TENM2: variants seen among roughly 807,000 people sequenced by gnomAD.
The protein encoded by TENM2 is teneurin-2.
A neutral mutation model predicts 245.2 loss-of-function variants in TENM2; 52 were observed. The ratio of observed to expected loss-of-function variants is 0.21; its 90% CI spans 0.17 to 0.27. The LOEUF (loss-of-function observed/expected upper bound fraction) is 0.27. TENM2 is among the 10% of genes least tolerant of loss of function. The pLI, the probability that TENM2 is intolerant of heterozygous loss-of-function variation, is 1.00. For missense variants in TENM2, 3,046 were observed against 3,666.8 expected, an observed-to-expected ratio of 0.83 and a Z score of 4.37; for synonymous variants, 1,363 against 1,438.9, an observed-to-expected ratio of 0.95 and a Z score of 1.19.
chr5:168,234,715 T>C (rs1179800313), intron 25 of TENM2, among the ~76,000 whole-genome samples: 1 of 152,168 alleles, frequency 6.6e-6, no homozygotes, highest in Non-Finnish European at 1.5e-5. Context: ...AAACGGATCT[T>C]GTGCAGGATG....
chr5:167,891,727 C>T (rs1028792411), intron 3 of TENM2, among the ~76,000 whole-genome samples: 4 of 152,190 alleles, frequency 2.6e-5, no homozygotes, highest in Non-Finnish European at 5.9e-5. Context: ...TGATTAAACA[C>T]CTATCATGTG....
chr5:167,029,263 A>G, the TENM2 span, among the ~76,000 whole-genome samples: 1 of 152,172 alleles, frequency 6.6e-6, no homozygotes, highest in African/African-American at 2.4e-5. Context: ...TTCTTCCCTG[A>G]TATTCCATCT....
rs536908425 is a variant in TENM2, at chr5:167,698,774, C to A, written c.503-177212C>A. Among the ~76,000 whole-genome samples, 3 of 149,586 alleles carry A rather than the reference C, an allele frequency of 2.0e-5. No individual in the cohort carries two copies. The East Asian group carries it at 5.9e-4, about 30-fold the overall frequency. On this transcript the variant is annotated intron_variant, in intron 2 of 28. Coordinates refer to ENST00000518659, the Ensembl canonical transcript of TENM2. ...TCTCTGCTCACTGCCAGCTCCTCCT[C>A]CCGGATTCACGCCTTTCTCCTGCCT...
Position 168,006,252 on chromosome 5 carries a change from C to A in TENM2, c.1186+13070C>A, listed in dbSNP as rs1581035125. On this transcript the variant is annotated intron_variant, in intron 5 of 28. Coordinates refer to ENST00000518659, the Ensembl canonical transcript of TENM2. ...CATGTTGTGAGAGGGAGGAATAAAG[C>A]TGGTAGCCCAGAAAAGACTACCCTA... Among the ~76,000 whole-genome samples, 4 of 152,294 alleles carry A rather than the reference C, an allele frequency of 2.6e-5. No homozygotes were observed. The South Asian group carries it at 8.3e-4, about 32-fold the overall frequency.
chr5:168,062,397 A>G (rs1179802453), intron 7 of TENM2, 132 bp downstream of exon 9: 1 of 748,380 alleles, frequency 1.3e-6, no homozygotes, highest in Non-Finnish European at 2.1e-6. Flanking sequence ...GTTGGCGAGA[A>G]TTTGGAGAAA....
chr5:167,194,675 G>A, the TENM2 span, among the ~76,000 whole-genome samples: 1 of 151,946 alleles, frequency 6.6e-6, no homozygotes, highest in Non-Finnish European at 1.5e-5. Context: ...CTAACTTTTG[G>A]TCCCTGGACA....
At chr5:168,121,814 CAAGATATTTTTGTGT>C (rs1351520410) in intron 10 of TENM2, among the ~76,000 whole-genome samples, 3 of 151,862 alleles carry the variant, frequency 2.0e-5, no homozygotes, top group Non-Finnish European at 4.4e-5. Flanking sequence ...CAATAAGCCA[CAAGATATTTTTGTGT>C]ATATTTTGAT....
intron 2 of TENM2, among the ~76,000 whole-genome samples, chr5:167,514,072 A>C (rs1166893671): frequency 6.6e-6 from 1 of 152,224 alleles, no homozygotes; most frequent in African/African-American, 2.4e-5. Flanking sequence ...CACGCAGTAC[A>C]AAGTTGTTCC....
intron 3 of TENM2, among the ~76,000 whole-genome samples, chr5:167,926,163 T>C (rs1408699365): frequency 6.6e-6 from 1 of 152,228 alleles, no homozygotes; most frequent in East Asian, 1.9e-4. Context: ...ATGATGAACC[T>C]GAATACAATT....
chr5:167,776,593 G>GAAAAAAAAAAAAAAAAAAAA (rs869252752), intron 2 of TENM2, among the ~76,000 whole-genome samples: 3 of 36,018 alleles, frequency 8.3e-5, no homozygotes, highest in Non-Finnish European at 1.7e-4. Context: ...GACCCTGTCT[G>GAAAAAAAAAAAAAAAAAAAA]AAAAAAAAAA....
Position 168,244,557 on chromosome 5 carries a change from C to T in TENM2, c.5658C>T (p.Ser1886=), listed in dbSNP as rs368288670. ...GCCCCTTCCTCTGGCTGCCCAGCAG[C>T]GGGCTGGCAGCTGTCAACGTGTCAT... Residue 1886 remains serine, a synonymous_variant, in exon 26 of 29, where the codon AGC becomes AGT. Coordinates refer to ENST00000518659, the Ensembl canonical transcript of TENM2. This position sits in a 1 kb window ranked among gnomAD's most constrained non-coding sequence, Gnocchi z 4.9. 8.3e-4 allele frequency: 1,335 copies of T among 1,612,212 alleles called. 5 individuals are homozygous for T. The highest frequency in any genetic ancestry group is 1.1e-3 in the Non-Finnish European group (1,238 of 1,178,894).
chr5:167,096,184 G>A, the TENM2 span, among the ~76,000 whole-genome samples: 11 of 152,184 alleles, frequency 7.2e-5, no homozygotes, highest in East Asian at 9.7e-4. Context: ...GTTTTGATAC[G>A]TGTATACATT....
At chr5:168,042,833 A>T (rs1355639409) in intron 5 of TENM2, among the ~76,000 whole-genome samples, 1 of 152,094 alleles carries the variant, frequency 6.6e-6, no homozygotes, top group Admixed American at 6.6e-5. Flanking sequence ...AGCCGGAGGG[A>T]TACTCTCAGA....
chr5:167,892,424 C>T lies in TENM2; in HGVS notation c.712+16229C>T, dbSNP rs148830229. Among the ~76,000 whole-genome samples the T allele has an allele frequency of 1.7e-4, 26 of 152,222 alleles. No individual in the cohort carries two copies. In the East Asian group the frequency reaches 4.1e-3, roughly 24 times the overall value. ...ACCAAACTTTAACAGGGCCTCTAGG[C>T]AGAGGAGTGGTTTTCCTCTCTTGGG... On this transcript the variant is annotated intron_variant, in intron 3 of 28. Coordinates refer to ENST00000518659, the Ensembl canonical transcript of TENM2.
intron 4 of TENM2, among the ~76,000 whole-genome samples, chr5:167,955,762 A>G (rs984172473): frequency 6.6e-6 from 1 of 152,158 alleles, no homozygotes; most frequent in Non-Finnish European, 1.5e-5. Flanking sequence ...GGGTTTGTCA[A>G]AGATCAGATG....
the TENM2 span, among the ~76,000 whole-genome samples, chr5:167,183,248 G>T: frequency 6.6e-6 from 1 of 151,990 alleles, no homozygotes; most frequent in Non-Finnish European, 1.5e-5. Flanking sequence ...GCTTCATATT[G>T]GTCCTGACTC....
chr5:167,053,618 G>A, the TENM2 span, among the ~76,000 whole-genome samples: 3 of 152,020 alleles, frequency 2.0e-5, no homozygotes, highest in South Asian at 6.2e-4. Flanking sequence ...TGCCTGCAGT[G>A]CCAGTTACTT....
At chr5:168,193,942 C>T (rs1761165674) in intron 14 of TENM2, among the ~76,000 whole-genome samples, 1 of 152,184 alleles carries the variant, frequency 6.6e-6, no homozygotes, top group Non-Finnish European at 1.5e-5. Flanking sequence ...TTAGAGCTGT[C>T]AGTGGAACAG....
At chr5:167,509,976 A>G (rs184383854) in intron 2 of TENM2, among the ~76,000 whole-genome samples, 1 of 152,302 alleles carries the variant, frequency 6.6e-6, no homozygotes, top group African/African-American at 2.4e-5. Context: ...CTAAAGAATG[A>G]TATGTAGCTA....
Sources: gnomAD v4.1 joint callset for allele counts (sites outside exome capture counted in the v4.1 genomes callset) on GRCh38, gnomAD v4.1.1 for gene constraint, Gnocchi (gnomAD v3.1) non-coding constraint, MANE v1.5 for transcripts, NCBI Gene and HGNC (gene_info 2026-07-23, HGNC 2026-07-21) for gene names.